PHF8: variants seen among roughly 807,000 people sequenced by gnomAD.
PHF8 encodes the protein histone lysine demethylase PHF8.
A neutral mutation model predicts 74.4 loss-of-function variants in PHF8; 9 were observed. The observed-to-expected ratio is 0.12, with a 90% CI of 0.07 to 0.21. The LOEUF is 0.21. Among genes scored for constraint, PHF8 ranks in the 10% least tolerant of loss-of-function variants. The probability of loss-of-function intolerance (pLI) is 1.00; values close to 1 mark genes in which losing one functional copy is unlikely to be tolerated. For missense variants in PHF8, 478 were observed against 816.6 expected (o/e 0.59, Z 5.05); for synonymous variants, 311 against 316.6 (o/e 0.98, Z 0.19).
chrX:53,953,743 T>C lies in PHF8; in HGVS notation c.2539+9101A>G, dbSNP rs150895221. ...ATTGAGGAACAAAAAATAAGACACATAGAAAACAAATAGCAAAATGGATAT... is the reference window on the plus strand; with the variant it reads ...ATTGAGGAACAAAAAATAAGACACACAGAAAACAAATAGCAAAATGGATAT... On this transcript the variant is annotated intron_variant, in intron 19 of 21. Transcript: ENST00000338154. Among the ~76,000 whole-genome samples, 668 of 107,448 alleles carry C rather than the reference T, an allele frequency of 6.2e-3. 9 individuals carry two copies. The highest frequency in any genetic ancestry group is 0.022 in the African/African-American group (646 of 29,276). 93.3% of individuals were successfully genotyped at this position (107,448 alleles called of 115,157 possible).
chrX:53,948,204 G>T (rs1557085741), intron 19 of PHF8, among the ~76,000 whole-genome samples: 1 of 112,055 alleles, frequency 8.9e-6, no homozygotes, highest in African/African-American at 3.2e-5. Context: ...TATGAACTGG[G>T]TATCTGAAGA....
rs1426573259 is a variant in PHF8 at position 53,960,357 on chromosome X, G to A, written c.2539+2487C>T. Among the ~76,000 whole-genome samples, 16 of 109,026 alleles carry A rather than the reference G, an allele frequency of 1.5e-4. No homozygotes were observed. In the Admixed American group the frequency reaches 1.6e-3, roughly 11 times the overall value. 94.7% of individuals were successfully genotyped at this position (109,026 alleles called of 115,157 possible). A position where few individuals can be genotyped will look rare whatever the true frequency, so the allele number is the denominator to read the frequency against. Reference sequence around the variant, plus strand: ...CCCAAAGTGCTGGGATTACAGGCGTGAGCCACCGCACCTGGCCTAATTTCT... The same window carrying A: ...CCCAAAGTGCTGGGATTACAGGCGTAAGCCACCGCACCTGGCCTAATTTCT... On this transcript the variant is annotated intron_variant, in intron 19 of 21. Transcript: ENST00000338154.
intron 18 of PHF8, among the ~76,000 whole-genome samples, chrX:53,980,049 C>T (rs1415313505): frequency 9.0e-6 from 1 of 111,206 alleles, no homozygotes; most frequent in East Asian, 2.8e-4. Context: ...TAACAGAGAC[C>T]TATATATTGA....
At chrX:54,021,450 A>G (rs1366439147) in intron 4 of PHF8, among the ~76,000 whole-genome samples, 3 of 93,106 alleles carry the variant, frequency 3.2e-5, no homozygotes, top group Non-Finnish European at 6.2e-5. Context: ...TCAAAGTTGC[A>G]ATTATTTTTT....
At chrX:53,967,161 G>C (rs1211999271) in intron 18 of PHF8, among the ~76,000 whole-genome samples, 3 of 95,490 alleles carry the variant, frequency 3.1e-5, no homozygotes, top group Non-Finnish European at 4.4e-5. Context: ...CCCCCCGCCC[G>C]GCCAGCCGCC....
chrX:53,945,370 C>T (rs2064818427), intron 19 of PHF8, among the ~76,000 whole-genome samples: 1 of 105,998 alleles, frequency 9.4e-6, no homozygotes, highest in Non-Finnish European at 1.9e-5. Flanking sequence ...ATTATCCGGC[C>T]ATGGTGGTGC....
chrX:53,946,209 C>G (rs1394206967), intron 19 of PHF8, among the ~76,000 whole-genome samples: 1 of 111,717 alleles, frequency 9.0e-6, no homozygotes, highest in African/African-American at 3.3e-5. Context: ...CACACAGCAC[C>G]AAAATATTAC....
intron 2 of PHF8, among the ~76,000 whole-genome samples, chrX:54,029,889 C>G (rs1557112203): frequency 9.0e-6 from 1 of 111,718 alleles, no homozygotes; most frequent in East Asian, 2.8e-4. Context: ...ACAACCACCA[C>G]AGAACATTAA....
intron 19 of PHF8, among the ~76,000 whole-genome samples, chrX:53,954,274 C>T (rs782220314): frequency 1.5e-4 from 16 of 110,160 alleles, no homozygotes; most frequent in African/African-American, 5.3e-4. Flanking sequence ...CCAAGGTAGG[C>T]GGATCACAAG....
At chrX:53,986,753 C>T (rs933013841) in intron 16 of PHF8, among the ~76,000 whole-genome samples, 4 of 109,958 alleles carry the variant, frequency 3.6e-5, no homozygotes, top group South Asian at 3.9e-4. Flanking sequence ...GGCAACACAG[C>T]GAGACCCTAT....
chrX:54,030,179 C>CT (rs1655268354), intron 2 of PHF8, among the ~76,000 whole-genome samples: 1 of 111,683 alleles, frequency 9.0e-6, no homozygotes, highest in African/African-American at 3.3e-5. Context: ...GATAGTGTAT[C>CT]TTATTTACCA....
chrX:53,970,508 A>G (rs1557094253), intron 18 of PHF8, among the ~76,000 whole-genome samples: 2 of 111,576 alleles, frequency 1.8e-5, no homozygotes, highest in Non-Finnish European at 1.9e-5. Context: ...TATTAACCTT[A>G]AATGTAAATG....
intron 12 of PHF8, 114 bp from the exon 13 acceptor site, chrX:53,994,017 A>G (rs2065710160): frequency 1.9e-6 from 1 of 535,999 alleles, no homozygotes; most frequent in African/African-American, 2.3e-5. Context: ...TGGCTTATAG[A>G]TGCTCCACAT....
chrX:53,978,154 G>T (rs1557096788), intron 18 of PHF8, among the ~76,000 whole-genome samples: 2 of 108,274 alleles, frequency 1.8e-5, no homozygotes, highest in Admixed American at 9.9e-5. Context: ...GACCATATTG[G>T]CCAGGCTGGT....
intron 18 of PHF8, among the ~76,000 whole-genome samples, chrX:53,968,125 TA>T (rs781919566): frequency 0.017 from 1,399 of 84,754 alleles, 15 homozygotes; most frequent in African/African-American, 0.044. Flanking sequence ...AAATAAAAAT[TA>T]AAAAAAAAAA....
intron 20 of PHF8, chrX:53,942,477 T>C (rs1161048973): frequency 8.7e-6 from 1 of 114,483 alleles, no homozygotes; most frequent in African/African-American, 3.2e-5. Flanking sequence ...TTCCCCAACA[T>C]GAAATCTCCA....
rs369286681 is a variant in PHF8, at chrX:54,015,643, T to C, written c.596+952A>G. 4.0e-3 allele frequency among the ~76,000 whole-genome samples: 438 copies of C among 108,534 alleles called. 2 individuals are homozygous for C. The highest frequency in any genetic ancestry group is 0.014 in the African/African-American group (413 of 29,793). 94.2% of individuals were successfully genotyped at this position (108,534 alleles called of 115,157 possible). On this transcript the variant is annotated intron_variant, in intron 6 of 21. Coordinates refer to ENST00000338154, the MANE Select transcript of PHF8 (RefSeq NM_015107.3). ...TATTGTACCGTAATTACATAATACG[T>C]TACCATTGAGGGAAAGTGGCTAAAG...
At chrX:53,944,449 C>T in intron 19 of PHF8, 1 of 411,124 alleles carries the variant, frequency 2.4e-6, no homozygotes, top group Non-Finnish European at 4.2e-6. Flanking sequence ...AGGTAAACCT[C>T]CCAGAGGGAA....
intron 14 of PHF8, among the ~76,000 whole-genome samples, chrX:53,988,481 CATT>C (rs1306923242): frequency 2.7e-5 from 3 of 110,555 alleles, no homozygotes; most frequent in Non-Finnish European, 5.7e-5. Context: ...AGAAAAATAT[CATT>C]ATGACCTGGG....
Sources: gnomAD v4.1 joint callset for allele counts (sites outside exome capture counted in the v4.1 genomes callset) on GRCh38, gnomAD v4.1.1 for gene constraint, MANE v1.5 for transcripts, NCBI Gene and HGNC (gene_info 2026-07-23, HGNC 2026-07-21) for gene names.